The following ZNF385D variants were observed in gnomAD, a reference collection of about 807,000 sequenced individuals.
ZNF385D encodes the protein zinc finger protein 385D.
Under a neutral mutation model 35.8 loss-of-function variants are expected in ZNF385D, and 15 were observed. The ratio of observed to expected loss-of-function variants is 0.42; its 90% confidence interval spans 0.28 to 0.64. The LOEUF is 0.64. Ranked by LOEUF, ZNF385D falls within the 30% of genes least tolerant of loss-of-function variation. The pLI is 0.23. For missense variants in ZNF385D, 474 were observed against 494.6 expected, an observed-to-expected ratio of 0.96 and a Z score of 0.39; for synonymous variants, 212 against 186.8, an observed-to-expected ratio of 1.13 and a Z score of -1.10.
At chr3:21,834,832 G>C (rs940589745) in intron 3 of ZNF385D, among the ~76,000 whole-genome samples, 1 of 152,040 alleles carries the variant, frequency 6.6e-6, no homozygotes, top group East Asian at 1.9e-4. Context: ...CACGACATCT[G>C]GTGGTTTAAA....
At chr3:21,948,063 G>C (rs1195450501) in intron 3 of ZNF385D, among the ~76,000 whole-genome samples, 1 of 151,934 alleles carries the variant, frequency 6.6e-6, no homozygotes, top group Non-Finnish European at 1.5e-5. Flanking sequence ...TGGACTTTCT[G>C]TTATAATTTA....
At chr3:22,061,945 C>T (rs181492756) in intron 3 of ZNF385D, among the ~76,000 whole-genome samples, 282 of 152,338 alleles carry the variant, frequency 1.9e-3, no homozygotes, top group Non-Finnish European at 1.8e-3. Context: ...GCACCTAAAA[C>T]AGTATTGGTG....
intron 2 of ZNF385D, among the ~76,000 whole-genome samples, chr3:21,655,202 T>A (rs2066038253): frequency 6.6e-6 from 1 of 151,968 alleles, no homozygotes; most frequent in South Asian, 2.1e-4. Context: ...AATTTCTGTG[T>A]TTCTCCTAAC....
Position 21,751,044 on chromosome 3 carries a change from C to A in ZNF385D, c.-128G>T. 6.4e-7 allele frequency: 1 copy of A among 1,560,918 alleles called. No homozygotes were observed. Among genetic ancestry groups the A allele is most frequent in the Non-Finnish European group, 8.7e-7 (1 of 1,153,390 alleles). On this transcript the variant is annotated 5_prime_UTR_variant, in exon 1 of 8. Coordinates refer to ENST00000281523, the MANE Select transcript of ZNF385D (RefSeq NM_024697.3). Reference sequence around the variant, plus strand: ...TCCCCGGCGTGGAGAGCAGTGAGCGCCGAGAGCGTGCCTCCTCCGCGGGAT... The same window carrying A: ...TCCCCGGCGTGGAGAGCAGTGAGCGACGAGAGCGTGCCTCCTCCGCGGGAT...
chr3:22,339,649 C>A (rs942111028), intron 2 of ZNF385D, among the ~76,000 whole-genome samples: 1 of 152,210 alleles, frequency 6.6e-6, no homozygotes, highest in Non-Finnish European at 1.5e-5. Flanking sequence ...ATTATCCTTG[C>A]TACTGTTCTA....
intron 2 of ZNF385D, among the ~76,000 whole-genome samples, chr3:22,228,926 A>C (rs983990346): frequency 6.6e-6 from 1 of 152,238 alleles, no homozygotes; most frequent in African/African-American, 2.4e-5. Context: ...TTGTTTGCCC[A>C]GGAGCTCTTA....
chr3:21,968,920 G>C (rs1310490993), intron 3 of ZNF385D, among the ~76,000 whole-genome samples: 2 of 152,120 alleles, frequency 1.3e-5, no homozygotes, highest in Non-Finnish European at 2.9e-5. Context: ...GTGTTTACTG[G>C]GGTCTCTGAT....
chr3:22,347,419 T>G (rs1695708205), intron 2 of ZNF385D, among the ~76,000 whole-genome samples: 1 of 152,192 alleles, frequency 6.6e-6, no homozygotes, highest in Admixed American at 6.5e-5. Flanking sequence ...AGTATCATAA[T>G]AGTTAACTGT....
chr3:22,008,311 G>A (rs1186539687), intron 3 of ZNF385D, among the ~76,000 whole-genome samples: 1 of 151,216 alleles, frequency 6.6e-6, no homozygotes, highest in Non-Finnish European at 1.5e-5. Context: ...AGAACAAAAG[G>A]CAAAGTTCAA....
intron 3 of ZNF385D, among the ~76,000 whole-genome samples, chr3:22,010,941 T>C (rs1196338593): frequency 6.6e-6 from 1 of 152,180 alleles, no homozygotes; most frequent in African/African-American, 2.4e-5. Context: ...AAATATCATC[T>C]ACTCAGAACC....
intron 3 of ZNF385D, among the ~76,000 whole-genome samples, chr3:22,050,025 C>T (rs891720583): frequency 6.6e-6 from 1 of 152,048 alleles, no homozygotes; most frequent in African/African-American, 2.4e-5. Context: ...AATGTTTCCT[C>T]TTTAATTTTT....
intron 3 of ZNF385D, among the ~76,000 whole-genome samples, chr3:22,044,606 G>A (rs1329476072): frequency 1.3e-5 from 2 of 152,064 alleles, no homozygotes; most frequent in African/African-American, 2.4e-5. Flanking sequence ...GGAAGGTGGT[G>A]ATGAATTTTG....
intron 3 of ZNF385D, chr3:21,979,927 C>T (rs368152727): frequency 7.9e-5 from 12 of 152,266 alleles, no homozygotes; most frequent in African/African-American, 1.9e-4. Flanking sequence ...AAAGGTGTAA[C>T]CTAATTCTGC....
chr3:21,813,290 T>G (rs1464192580), intron 3 of ZNF385D, among the ~76,000 whole-genome samples: 1 of 152,130 alleles, frequency 6.6e-6, no homozygotes, highest in Non-Finnish European at 1.5e-5. Context: ...GAGCACCTCT[T>G]CTCCTCTAAA....
intron 3 of ZNF385D, among the ~76,000 whole-genome samples, chr3:21,912,523 C>T (rs1700009863): frequency 2.0e-5 from 3 of 152,000 alleles, no homozygotes; most frequent in Admixed American, 6.6e-5. Context: ...AATAAACTGA[C>T]ATGCTTTGAA....
At chr3:22,273,453 G>T (rs1428890574) in intron 2 of ZNF385D, among the ~76,000 whole-genome samples, 1 of 152,008 alleles carries the variant, frequency 6.6e-6, no homozygotes, top group East Asian at 1.9e-4. Flanking sequence ...TTTCTGGGTG[G>T]TTCTACTGGT....
chr3:21,955,832 T>A (rs1482192708), intron 3 of ZNF385D, among the ~76,000 whole-genome samples: 1 of 152,090 alleles, frequency 6.6e-6, no homozygotes, highest in African/African-American at 2.4e-5. Flanking sequence ...CACAGATAAT[T>A]CATTCTTTCA....
intron 3 of ZNF385D, among the ~76,000 whole-genome samples, chr3:21,854,756 T>C (rs1250980364): frequency 6.6e-6 from 1 of 151,992 alleles, no homozygotes; most frequent in African/African-American, 2.4e-5. Flanking sequence ...TGGCATTTAA[T>C]AGGCACTTAA....
intron 1 of ZNF385D, among the ~76,000 whole-genome samples, chr3:21,744,434 T>C (rs62236192): frequency 0.28 from 43,340 of 152,150 alleles, 7,043 homozygotes; most frequent in Middle Eastern, 0.45. Flanking sequence ...CTGCAAATTG[T>C]AGGCAAAATT....
Sources: gnomAD v4.1 joint callset for allele counts (sites outside exome capture counted in the v4.1 genomes callset) on GRCh38, gnomAD v4.1.1 for gene constraint, MANE v1.5 for transcripts, NCBI Gene and HGNC (gene_info 2026-07-23, HGNC 2026-07-21) for gene names.